CERK: variants seen among roughly 807,000 people sequenced by gnomAD.
The protein encoded by CERK is acylsphingosine kinase.
CERK carries 39 observed loss-of-function variants against 63.4 expected under a neutral mutation model. That is an observed-to-expected ratio of 0.61 (90% CI 0.48 to 0.80). The LOEUF is 0.80. Ranked by LOEUF, CERK falls within the 30% of genes least tolerant of loss-of-function variation. The probability of loss-of-function intolerance (pLI) is 0.00; values close to 1 mark genes in which losing one functional copy is unlikely to be tolerated. For missense variants in CERK, 670 were observed against 714.1 expected (o/e 0.94, Z 0.70); for synonymous variants, 302 against 280.0 (o/e 1.08, Z -0.78).
chr22:46,708,233 T>C (rs1035691343), intron 5 of CERK, among the ~76,000 whole-genome samples: 2 of 152,216 alleles, frequency 1.3e-5, no homozygotes, highest in Non-Finnish European at 2.9e-5. Context: ...GTCTGGAATT[T>C]GGGTGGCTAG....
At position 46,691,755 on chromosome 22, in the gene CERK, G is replaced by T; in HGVS notation, c.1149C>A (p.Val383=). The T allele has an allele frequency of 6.2e-7, 1 of 1,611,724 alleles. No homozygotes were observed. Among genetic ancestry groups the T allele is most frequent in the South Asian group, 1.1e-5 (1 of 90,992 alleles). The change falls in exon 11 of 13, where the codon GTC becomes GTA. Residue 383 remains valine, a synonymous_variant. Coordinates refer to ENST00000216264, the MANE Select transcript of CERK (RefSeq NM_022766.6). The stretch of plus-strand genomic sequence containing the variant: ...TGATGGCCAGAAACTTCCCACAGAC[G>T]ACTTGCCACTCCTCCACGTCCTCTG... ...EAAEDVEEWQ[V]VCGKFLAINA... is the part of the protein sequence containing the mutation.
At chr22:46,713,965 C>T (rs939288339) in intron 3 of CERK, among the ~76,000 whole-genome samples, 14 of 152,162 alleles carry the variant, frequency 9.2e-5, no homozygotes, top group Non-Finnish European at 1.5e-4. Flanking sequence ...GACTCTGTCT[C>T]GACAAACGAT....
intron 1 of CERK, among the ~76,000 whole-genome samples, chr22:46,730,248 T>A (rs550499422): frequency 7.7e-6 from 1 of 129,490 alleles, no homozygotes; most frequent in East Asian, 2.3e-4. Context: ...CAAATCCCTG[T>A]CTCTACTAAA....
intron 1 of CERK, among the ~76,000 whole-genome samples, chr22:46,724,477 G>A (rs2082907913): frequency 6.6e-6 from 1 of 152,134 alleles, no homozygotes; most frequent in African/African-American, 2.4e-5. Context: ...TGCTGACTCA[G>A]GAGACCTGGA....
At chr22:46,715,450 AAAAT>A (rs533494956) in intron 3 of CERK, among the ~76,000 whole-genome samples, 81 of 152,362 alleles carry the variant, frequency 5.3e-4, no homozygotes, top group African/African-American at 1.8e-3. Context: ...CAAACAATAA[AAAAT>A]AAATAAACAG....
At chr22:46,731,167 G>A (rs1220469599) in intron 1 of CERK, among the ~76,000 whole-genome samples, 1 of 152,236 alleles carries the variant, frequency 6.6e-6, no homozygotes, top group Non-Finnish European at 1.5e-5. Flanking sequence ...AGACAAAGGG[G>A]CAGCCCAGCC....
rs187242535 is a variant in CERK, at chr22:46,696,842, G to C, written c.944-1527C>G. On this transcript the variant is annotated intron_variant, in intron 8 of 12. Transcript: ENST00000216264. Reference sequence around the variant, plus strand: ...CTGTGGTGATGGGCTGAGGGCAAAGGGGGGGGCCAGGCATGCAGGGGGGCT... The same window carrying C: ...CTGTGGTGATGGGCTGAGGGCAAAGCGGGGGGCCAGGCATGCAGGGGGGCT... Among the ~76,000 whole-genome samples, 432 of 152,234 alleles carry C rather than the reference G, an allele frequency of 2.8e-3. 3 individuals are homozygous for C. Among genetic ancestry groups the C allele is most frequent in the African/African-American group, 0.01 (420 of 41,538 alleles).
chr22:46,722,058 G>A (rs535941837), intron 1 of CERK, among the ~76,000 whole-genome samples: 2 of 152,264 alleles, frequency 1.3e-5, no homozygotes, highest in African/African-American at 4.8e-5. Flanking sequence ...TGAGGAAGGT[G>A]GCTTCCAAAA....
intron 1 of CERK, among the ~76,000 whole-genome samples, chr22:46,726,478 C>A (rs1453414935): frequency 6.6e-6 from 1 of 152,140 alleles, no homozygotes; most frequent in Non-Finnish European, 1.5e-5. Flanking sequence ...TCCACATGCC[C>A]GGCCCGCTTA....
intron 10 of CERK, among the ~76,000 whole-genome samples, chr22:46,692,488 G>A (rs905946290): frequency 1.3e-5 from 2 of 150,512 alleles, no homozygotes; most frequent in Non-Finnish European, 2.9e-5. Flanking sequence ...TGTAATCCCA[G>A]CTACTCAGGA....
Position 46,720,185 on chromosome 22 carries a change from G to A in CERK, c.280C>T (p.Arg94Trp), listed in dbSNP as rs368506025. The A allele has an allele frequency of 3.1e-6, 5 of 1,613,792 alleles. No individual in the cohort carries two copies. Among genetic ancestry groups the A allele is most frequent in the Admixed American group, 1.7e-5 (1 of 60,026 alleles). ...ACCTGCGCCCACTTCCAGCGGTGCC[G>A]TCGTGCTCTCTTTACACAGTGAACT... is the stretch of plus-strand genomic sequence containing the variant. ...FTVHCVKRARRHRWKWAQVTF... is the reference protein window; with the variant it reads ...FTVHCVKRARWHRWKWAQVTF... Residue 94 changes from arginine (R) to tryptophan (W), a missense_variant, in exon 3 of 13, where the codon CGG (arginine) becomes TGG (tryptophan). Coordinates refer to ENST00000216264, the MANE Select transcript of CERK (RefSeq NM_022766.6).
rs1339192590 is a variant in CERK, at chr22:46,709,118, G to A, written c.570-1130C>T. Reference sequence around the variant, plus strand: ...GCCTTCCCAGCGGGGCTGTGGTTTCGAGGACAGGGCATCCTTGAATGGGCA... The same window carrying A: ...GCCTTCCCAGCGGGGCTGTGGTTTCAAGGACAGGGCATCCTTGAATGGGCA... On this transcript the variant is annotated intron_variant, in intron 5 of 12. Transcript: ENST00000216264. Among the ~76,000 whole-genome samples the A allele has an allele frequency of 3.9e-5, 6 of 152,332 alleles. No homozygotes were observed. In the East Asian group the frequency reaches 9.6e-4, roughly 24 times the overall value.
chr22:46,720,552 C>T (rs750018864), intron 2 of CERK, among the ~76,000 whole-genome samples: 15 of 151,952 alleles, frequency 9.9e-5, no homozygotes, highest in Non-Finnish European at 2.1e-4. Flanking sequence ...AAAAAGTAGC[C>T]GGGTGTGGTG....
chr22:46,721,096 G>A (rs1457831368), intron 1 of CERK, 81 bp from the exon 2 acceptor site: 1 of 890,748 alleles, frequency 1.1e-6, no homozygotes, highest in East Asian at 2.5e-5. Flanking sequence ...AAGAAGCTGA[G>A]AATATTCTGC....
intron 1 of CERK, among the ~76,000 whole-genome samples, chr22:46,734,833 A>G (rs2082964593): frequency 6.6e-6 from 1 of 152,174 alleles, no homozygotes; most frequent in African/African-American, 2.4e-5. Context: ...TGTTTTCTCG[A>G]TATTATTAAA....
At chr22:46,699,162 C>T (rs762846149) in intron 8 of CERK, 151 bp downstream of exon 8, 215 of 800,238 alleles carry the variant, frequency 2.7e-4, no homozygotes, top group Non-Finnish European at 4.2e-4. Flanking sequence ...CACGTTCTGG[C>T]CCCGGCACAT....
At chr22:46,696,066 G>A (rs772323891) in intron 8 of CERK, among the ~76,000 whole-genome samples, 9 of 152,170 alleles carry the variant, frequency 5.9e-5, no homozygotes, top group Non-Finnish European at 1.2e-4. Flanking sequence ...CTGCAGGGCC[G>A]TCACACACAA....
At chr22:46,704,663 A>G (rs1193720597) in intron 6 of CERK, among the ~76,000 whole-genome samples, 1 of 151,974 alleles carries the variant, frequency 6.6e-6, no homozygotes, top group Non-Finnish European at 1.5e-5. Context: ...TGTCTCTACT[A>G]AAAATACAAA....
At chr22:46,689,151 C>A (rs2082717490) in intron 12 of CERK, among the ~76,000 whole-genome samples, 1 of 152,242 alleles carries the variant, frequency 6.6e-6, no homozygotes, top group Admixed American at 6.5e-5. Flanking sequence ...ACACCTGCCT[C>A]CCCGCGTCCC....
Sources: allele counts gnomAD v4.1 joint callset (sites outside exome capture counted in the v4.1 genomes callset), GRCh38; gene constraint gnomAD v4.1.1; transcripts MANE v1.5; gene names NCBI Gene and HGNC (gene_info 2026-07-23, HGNC 2026-07-21).